The following HVCN1 variants were observed in gnomAD, a reference collection of about 807,000 sequenced individuals.
The protein encoded by HVCN1 is hydrogen voltage gated channel 1.
Under a neutral mutation model 29.2 loss-of-function variants are expected in HVCN1, and 14 were observed. The observed-to-expected ratio is 0.48, with a 90% CI of 0.32 to 0.75. The LOEUF (loss-of-function observed/expected upper bound fraction) is 0.75. HVCN1 is among the 30% of genes least tolerant of loss of function. The pLI, the probability that HVCN1 is intolerant of heterozygous loss-of-function variation, is 0.04. For synonymous variants in HVCN1, 131 were observed against 133.2 expected (o/e 0.98, Z 0.11); for missense variants, 263 against 341.8 (o/e 0.77, Z 1.82).
chr12:110,677,006 C>A (rs2068770592), intron 3 of HVCN1, among the ~76,000 whole-genome samples: 1 of 152,026 alleles, frequency 6.6e-6, no homozygotes, highest in Non-Finnish European at 1.5e-5. Flanking sequence ...GAGTTCAAGA[C>A]CAGCCTGGGC....
chr12:110,700,872 T>A (rs2069557268), intron 2 of HVCN1, among the ~76,000 whole-genome samples: 1 of 152,238 alleles, frequency 6.6e-6, no homozygotes, highest in African/African-American at 2.4e-5. Context: ...TGTCCGATAA[T>A]TTCAGTCCAG....
At chr12:110,680,047 T>C (rs1395167273) in intron 3 of HVCN1, among the ~76,000 whole-genome samples, 1 of 152,066 alleles carries the variant, frequency 6.6e-6, no homozygotes, top group Non-Finnish European at 1.5e-5. Flanking sequence ...GAGCTGACAC[T>C]CAAAAAGCTC....
upstream of HVCN1, among the ~76,000 whole-genome samples, chr12:110,694,609 G>A (rs2136503902): frequency 2.0e-5 from 3 of 152,344 alleles, no homozygotes; most frequent in South Asian, 6.2e-4. The surrounding 1 kb of genome is among the most constrained non-coding windows in gnomAD (Gnocchi z 4.6). Context: ...TGGACAGAGG[G>A]AGAGAAAAGT....
chr12:110,697,411 G>A (rs572571405), intron 2 of HVCN1, among the ~76,000 whole-genome samples: 1 of 152,262 alleles, frequency 6.6e-6, no homozygotes, highest in South Asian at 2.1e-4. Flanking sequence ...GAAACCAAAA[G>A]AGGAGCGTTT....
At chr12:110,678,537 A>G (rs1472760900) in intron 3 of HVCN1, among the ~76,000 whole-genome samples, 1 of 142,274 alleles carries the variant, frequency 7.0e-6, no homozygotes, top group Non-Finnish European at 1.5e-5. Context: ...TGCAGCCTCA[A>G]CGTCCTGGGC....
intron 1 of HVCN1, among the ~76,000 whole-genome samples, chr12:110,703,119 G>A (rs1305936223): frequency 6.6e-6 from 1 of 150,920 alleles, no homozygotes; most frequent in East Asian, 1.9e-4. Context: ...GCAAGGCTTG[G>A]TGCAGTGGCT....
In HVCN1 at chr12:110,666,247, T is replaced by C. The variant is rs2068348014; in HGVS notation, c.22-4799A>G. ...TCCTGGCTAACATGGTGAAACCCCA[T>C]CTCTACTAAAAAAAAATACAAAAAA... On this transcript the variant is annotated intron_variant, in intron 3 of 7. Transcript: ENST00000242607. 2.0e-5 allele frequency among the ~76,000 whole-genome samples: 3 copies of C among 150,728 alleles called. No individual in the cohort carries two copies. The South Asian group carries it at 6.3e-4, about 32-fold the overall frequency.
In HVCN1 at chr12:110,661,335, C is replaced by G; in HGVS notation, c.135G>C (p.Trp45Cys). 6.2e-6 allele frequency: 10 copies of G among 1,614,182 alleles called. No individual in the cohort carries two copies. Among genetic ancestry groups the G allele is most frequent in the Non-Finnish European group, 8.5e-6 (10 of 1,180,026 alleles). The change falls in exon 4 of 8, where the codon TGG becomes TGC. Residue 45 changes from tryptophan (W) to cysteine (C), a missense_variant. Around this residue, in one of 3 missense-constraint regions of HVCN1, gnomAD observed 157 missense variants for 181.3 expected, o/e 0.87. Coordinates refer to ENST00000242607, the MANE Select transcript of HVCN1 (RefSeq NM_032369.4). The surrounding 1 kb of genome is among the most constrained non-coding windows in gnomAD (Gnocchi z 6.2). ...YHAWNINYKKWENEEEEEEEE... is the reference protein window; with the variant it reads ...YHAWNINYKKCENEEEEEEEE... ...CCTCCTCCTCCTCCTCTTCATTCTC[C>G]CATTTCTTGTAGTTGATGTTCCAGG...
intron 4 of HVCN1, among the ~76,000 whole-genome samples, chr12:110,660,918 G>A (rs1005726371): frequency 2.0e-5 from 3 of 152,176 alleles, no homozygotes; most frequent in Non-Finnish European, 4.4e-5. Flanking sequence ...GAACACATTC[G>A]GTTTAACACT....
chr12:110,669,149 T>C (rs1237043222), intron 3 of HVCN1, among the ~76,000 whole-genome samples: 1 of 152,020 alleles, frequency 6.6e-6, no homozygotes, highest in African/African-American at 2.4e-5. Flanking sequence ...AGTCCACTCC[T>C]CCTTCCACAT....
intron 2 of HVCN1, chr12:110,702,248 C>T (rs1483820210): frequency 6.6e-6 from 1 of 152,156 alleles, no homozygotes; most frequent in African/African-American, 2.4e-5. Flanking sequence ...CCCACCCCTT[C>T]TGGTCTGGGC....
chr12:110,683,273 T>C lies in HVCN1; in HGVS notation c.-19-9A>G, dbSNP rs780605992. 2.5e-6 allele frequency: 4 copies of C among 1,603,776 alleles called. No individual in the cohort carries two copies. Among genetic ancestry groups the C allele is most frequent in the Non-Finnish European group, 2.5e-6 (3 of 1,176,644 alleles). ...CCCTGTTGCCTCTGGATCTGAAAAA[T>C]AAAAAGACATTTGTCCAGATCTATC... is the stretch of plus-strand genomic sequence containing the variant. On this transcript the variant is annotated splice_polypyrimidine_tract_variant and intron_variant, in intron 2 of 7. Transcript: ENST00000242607.
chr12:110,700,601 C>CT (rs901809171), intron 2 of HVCN1, among the ~76,000 whole-genome samples: 8 of 152,034 alleles, frequency 5.3e-5, no homozygotes, highest in African/African-American at 1.9e-4. Flanking sequence ...CTCTCTCTCT[C>CT]TTTTTTTGTT....
chr12:110,688,040 T>G (rs2069261943), intron 2 of HVCN1: 1 of 152,186 alleles, frequency 6.6e-6, no homozygotes, highest in Admixed American at 6.6e-5. Flanking sequence ...AGATCTCAGA[T>G]AGCCCTGAAC....
At chr12:110,696,102 G>A (rs915006428) in intron 2 of HVCN1, among the ~76,000 whole-genome samples, 17 of 151,734 alleles carry the variant, frequency 1.1e-4, no homozygotes, top group Admixed American at 5.9e-4. Context: ...ACAGGAGCCC[G>A]CCACCATGCT....
Position 110,655,348 on chromosome 12 carries a change from GA to G in HVCN1, c.307-11del. The G allele has an allele frequency of 6.2e-7, 1 of 1,605,326 alleles. No homozygotes were observed. The highest frequency in any genetic ancestry group is 8.5e-7 in the Non-Finnish European group (1 of 1,172,296). On this transcript the variant is annotated splice_polypyrimidine_tract_variant and intron_variant, in intron 4 of 7. Transcript: ENST00000242607. ...AGCAGATGATGATGACCTGTGGGCCGAGGGAAGGTGCCAGAGATCATGAGAC... is the reference window on the plus strand; with the variant it reads ...AGCAGATGATGATGACCTGTGGGCCGGGGAAGGTGCCAGAGATCATGAGAC...
chr12:110,660,719 C>T (rs146094945), intron 4 of HVCN1, among the ~76,000 whole-genome samples: 423 of 152,274 alleles, frequency 2.8e-3, no homozygotes, highest in African/African-American at 9.1e-3. Context: ...CTGTGGCAGC[C>T]GCCAATCTGC....
chr12:110,667,761 C>T (rs1019576203), intron 3 of HVCN1, among the ~76,000 whole-genome samples: 4 of 152,220 alleles, frequency 2.6e-5, no homozygotes, highest in African/African-American at 9.7e-5. Context: ...CCTTACCTGG[C>T]AGACAAGAGC....
intron 3 of HVCN1, among the ~76,000 whole-genome samples, chr12:110,674,585 T>C (rs933001497): frequency 6.6e-6 from 1 of 152,022 alleles, no homozygotes; most frequent in Non-Finnish European, 1.5e-5. Context: ...CAGGGGGAGG[T>C]AATTGAATCA....
Sources: allele counts gnomAD v4.1 joint callset (sites outside exome capture counted in the v4.1 genomes callset), GRCh38; gene constraint gnomAD v4.1.1; regional missense constraint gnomAD v4.1.1; non-coding constraint Gnocchi (gnomAD v3.1); transcripts MANE v1.5; gene names NCBI Gene and HGNC (gene_info 2026-07-23, HGNC 2026-07-21).